NRG3: variants seen among roughly 807,000 people sequenced by gnomAD.
NRG3 encodes neuregulin 3.
A neutral mutation model predicts 66.9 loss-of-function variants in NRG3; 31 were observed. That is an observed-to-expected ratio of 0.46 (90% CI 0.35 to 0.63). The LOEUF is 0.63. Among genes scored for constraint, NRG3 ranks in the 20% least tolerant of loss-of-function variants. The probability of loss-of-function intolerance (pLI) is 0.00; values close to 1 mark genes in which losing one functional copy is unlikely to be tolerated. For synonymous variants in NRG3, 393 were observed against 359.4 expected (o/e 1.09, Z -1.06); for missense variants, 910 against 878.9 (o/e 1.04, Z -0.45).
At chr10:82,602,711 C>T (rs898409384) in intron 2 of NRG3, among the ~76,000 whole-genome samples, 4 of 152,106 alleles carry the variant, frequency 2.6e-5, no homozygotes, top group African/African-American at 9.7e-5. Context: ...ACAATAAGTG[C>T]TCAATAACTA....
chr10:82,118,113 C>T (rs545236557), intron 1 of NRG3, among the ~76,000 whole-genome samples: 1 of 151,480 alleles, frequency 6.6e-6, no homozygotes, highest in South Asian at 2.1e-4. Context: ...CTGTTATTGT[C>T]TTGGGATTTG....
chr10:82,595,181 T>C (rs889733981), intron 2 of NRG3, among the ~76,000 whole-genome samples: 5 of 152,124 alleles, frequency 3.3e-5, no homozygotes, highest in Non-Finnish European at 7.4e-5. Flanking sequence ...CAATAGTTCC[T>C]TCTAATTGAA....
intron 1 of NRG3, among the ~76,000 whole-genome samples, chr10:82,155,472 G>C (rs2071117879): frequency 6.6e-6 from 1 of 151,772 alleles, no homozygotes; most frequent in African/African-American, 2.4e-5. Context: ...TTATGAAAGA[G>C]ACATAAGGAA....
chr10:82,399,092 A>G (rs570528832), intron 2 of NRG3, among the ~76,000 whole-genome samples: 1 of 152,336 alleles, frequency 6.6e-6, no homozygotes, highest in African/African-American at 2.4e-5. Context: ...ACAGTTATTC[A>G]TTGTACTATC....
At chr10:82,733,711 G>A (rs1449770496) in intron 2 of NRG3, among the ~76,000 whole-genome samples, 1 of 152,194 alleles carries the variant, frequency 6.6e-6, no homozygotes, top group Non-Finnish European at 1.5e-5. Context: ...AGTGTTGCTT[G>A]TTTTTGTATC....
chr10:82,236,557 T>TA (rs1190733534), intron 1 of NRG3, among the ~76,000 whole-genome samples: 1 of 152,196 alleles, frequency 6.6e-6, no homozygotes, highest in East Asian at 1.9e-4. Context: ...CCTGCATCCT[T>TA]AAGGCCTCGG....
intron 2 of NRG3, among the ~76,000 whole-genome samples, chr10:82,404,544 T>C (rs2087357590): frequency 6.6e-6 from 1 of 152,218 alleles, no homozygotes; most frequent in Admixed American, 6.5e-5. Context: ...CATTATATTG[T>C]ACCTTATTTG....
intron 4 of NRG3, among the ~76,000 whole-genome samples, chr10:82,948,966 G>T (rs1465006362): frequency 1.3e-5 from 2 of 152,068 alleles, no homozygotes; most frequent in Admixed American, 1.3e-4. Flanking sequence ...TATGAGAGTG[G>T]ATATTCTTGC....
chr10:82,372,933 C>T (rs2084979942), intron 2 of NRG3, among the ~76,000 whole-genome samples: 1 of 152,148 alleles, frequency 6.6e-6, no homozygotes, highest in African/African-American at 2.4e-5. Flanking sequence ...TTTTTCAGTT[C>T]TAAAATTTTC....
At chr10:82,142,860 T>C (rs1039322802) in intron 1 of NRG3, among the ~76,000 whole-genome samples, 3 of 146,176 alleles carry the variant, frequency 2.1e-5, no homozygotes, top group African/African-American at 7.6e-5. Context: ...AGCCTCAACC[T>C]TCTCCCACCT....
chr10:82,244,172 C>CCTAT (rs772471717), intron 1 of NRG3, among the ~76,000 whole-genome samples: 18 of 152,112 alleles, frequency 1.2e-4, no homozygotes, highest in Non-Finnish European at 2.6e-4. Context: ...GTAACTCTTT[C>CCTAT]CTATGGCTTG....
intron 3 of NRG3, among the ~76,000 whole-genome samples, chr10:82,863,811 C>T (rs780318096): frequency 3.9e-5 from 6 of 152,260 alleles, no homozygotes; most frequent in Non-Finnish European, 8.8e-5. Context: ...CATTATAGCA[C>T]TTATTACAAA....
At chr10:81,876,312 C>A in intron 1 of NRG3, 149 bp downstream of exon 1, 1 of 1,197,946 alleles carries the variant, frequency 8.3e-7, no homozygotes, top group Non-Finnish European at 1.1e-6. Context: ...AAACTGGCCA[C>A]CAGCGGGGAA....
chr10:82,456,900 C>G (rs965758756), intron 2 of NRG3, among the ~76,000 whole-genome samples: 1 of 152,062 alleles, frequency 6.6e-6, no homozygotes, highest in African/African-American at 2.4e-5. Flanking sequence ...ACGCCAGCAT[C>G]CTTTTGCAGT....
chr10:82,014,482 G>A lies in NRG3; in HGVS notation c.823+138319G>A, dbSNP rs1394481245. On this transcript the variant is annotated intron_variant, in intron 1 of 8. Transcript: ENST00000372141. ...AAATAGCTAAACACCATCACAGAGT[G>A]TATAGAGTTCTCATGGGCTAGGCAT... Among the ~76,000 whole-genome samples, 7 of 152,314 alleles carry A rather than the reference G, an allele frequency of 4.6e-5. No homozygotes were observed. In the East Asian group the frequency reaches 1.2e-3, roughly 25 times the overall value.
chr10:82,967,939 T>A (rs1030942658), intron 6 of NRG3, among the ~76,000 whole-genome samples: 1 of 152,180 alleles, frequency 6.6e-6, no homozygotes, highest in Non-Finnish European at 1.5e-5. Context: ...CTTGTCCAAA[T>A]TACTTCTTAA....
intron 3 of NRG3, among the ~76,000 whole-genome samples, chr10:82,793,876 T>C (rs146617693): frequency 6.6e-6 from 1 of 152,258 alleles, no homozygotes; most frequent in Non-Finnish European, 1.5e-5. Context: ...AATACCACAA[T>C]AAAGTAGATT....
intron 4 of NRG3, among the ~76,000 whole-genome samples, chr10:82,883,739 C>T (rs764635527): frequency 5.9e-5 from 9 of 151,994 alleles, no homozygotes; most frequent in Non-Finnish European, 1.2e-4. Flanking sequence ...AGAAAAGCTT[C>T]GGTTTGTCAT....
intron 1 of NRG3, among the ~76,000 whole-genome samples, chr10:82,032,126 T>TTG (rs2062599165): frequency 6.7e-6 from 1 of 149,106 alleles, no homozygotes; most frequent in Admixed American, 6.7e-5. Context: ...TTTTTTTTTT[T>TTG]TATTTCCAAT....
Sources: gnomAD v4.1 joint callset for allele counts (sites outside exome capture counted in the v4.1 genomes callset) on GRCh38, gnomAD v4.1.1 for gene constraint, MANE v1.5 for transcripts, NCBI Gene and HGNC (gene_info 2026-07-23, HGNC 2026-07-21) for gene names.